Variants in NCALD observed in about 807,000 individuals in gnomAD.
The protein encoded by NCALD is neurocalcin-delta.
A neutral mutation model predicts 18.6 loss-of-function variants in NCALD; 10 were observed. The observed-to-expected ratio is 0.54, with a 90% CI of 0.33 to 0.91. The LOEUF is 0.91. NCALD is among the 40% of genes least tolerant of loss of function. The pLI is 0.03. For synonymous variants in NCALD, 88 were observed against 87.4 expected (o/e 1.01, Z -0.04); for missense variants, 184 against 247.6 (o/e 0.74, Z 1.72).
At chr8:101,728,786 C>G (rs1218839909) in intron 1 of NCALD, among the ~76,000 whole-genome samples, 4 of 152,196 alleles carry the variant, frequency 2.6e-5, no homozygotes, top group Non-Finnish European at 4.4e-5. Context: ...CACCACTGCA[C>G]TCCAGTCTGG....
intron 4 of NCALD, among the ~76,000 whole-genome samples, chr8:101,849,313 A>G (rs767458785): frequency 2.6e-5 from 4 of 152,194 alleles, no homozygotes; most frequent in Non-Finnish European, 5.9e-5. Flanking sequence ...ATGTTTAGCT[A>G]TGTAACAAAC....
At chr8:101,822,581 C>T (rs1813765652) in intron 4 of NCALD, among the ~76,000 whole-genome samples, 1 of 152,194 alleles carries the variant, frequency 6.6e-6, no homozygotes, top group Non-Finnish European at 1.5e-5. Context: ...CAGCTACGTA[C>T]CCAGTAGTGG....
At chr8:101,777,967 G>T (rs1355625227) in intron 1 of NCALD, among the ~76,000 whole-genome samples, 2 of 152,184 alleles carry the variant, frequency 1.3e-5, no homozygotes, top group African/African-American at 4.8e-5. Flanking sequence ...GAACCCTGAA[G>T]AATTCAGGTC....
intron 2 of NCALD, among the ~76,000 whole-genome samples, chr8:102,005,935 C>T (rs1434969046): frequency 1.3e-4 from 20 of 151,136 alleles, no homozygotes; most frequent in Admixed American, 9.9e-4. Context: ...ATGTAAATGA[C>T]GAGTTAATGG....
chr8:101,925,589 A>G (rs1818309342), intron 2 of NCALD, among the ~76,000 whole-genome samples: 2 of 152,186 alleles, frequency 1.3e-5, no homozygotes, highest in South Asian at 4.2e-4. Flanking sequence ...GCTGTCTCAC[A>G]GACACATTAT....
intron 2 of NCALD, among the ~76,000 whole-genome samples, chr8:101,994,584 C>T (rs1218050059): frequency 1.3e-5 from 2 of 152,356 alleles, no homozygotes; most frequent in African/African-American, 4.8e-5. Flanking sequence ...ACATGAAAGT[C>T]CAATGACAAG....
chr8:102,023,622 A>AT (rs1475539004), intron 1 of NCALD, among the ~76,000 whole-genome samples: 2 of 152,226 alleles, frequency 1.3e-5, no homozygotes, highest in African/African-American at 4.8e-5. Flanking sequence ...AGTGCCAGGG[A>AT]TTTGGATTAA....
intron 4 of NCALD, among the ~76,000 whole-genome samples, chr8:101,849,487 T>C (rs1007838578): frequency 2.6e-5 from 4 of 152,154 alleles, no homozygotes; most frequent in African/African-American, 7.2e-5. Flanking sequence ...GCTATGAATT[T>C]GTAAAGTGGT....
chr8:102,109,585 T>C (rs753468685), intron 1 of NCALD, among the ~76,000 whole-genome samples: 8 of 152,176 alleles, frequency 5.3e-5, no homozygotes, highest in Non-Finnish European at 1.0e-4. Context: ...CTATGTCAAA[T>C]GGGCAAGTGA....
At chr8:101,879,311 G>A (rs1214057714) in intron 4 of NCALD, among the ~76,000 whole-genome samples, 1 of 152,086 alleles carries the variant, frequency 6.6e-6, no homozygotes, top group Non-Finnish European at 1.5e-5. Flanking sequence ...TCAGAGTTTG[G>A]TCCTTCTGCT....
intron 2 of NCALD, among the ~76,000 whole-genome samples, chr8:101,954,822 C>T (rs573739867): frequency 4.6e-4 from 70 of 152,250 alleles, no homozygotes; most frequent in African/African-American, 1.7e-3. Flanking sequence ...ATCATAAATG[C>T]CATGCATGAT....
intron 1 of NCALD, among the ~76,000 whole-genome samples, chr8:102,054,717 G>A (rs200948635): frequency 2.0e-5 from 2 of 102,084 alleles, no homozygotes; most frequent in Admixed American, 2.2e-4. Flanking sequence ...TAGATAGATA[G>A]ATATCCTATA....
chr8:101,851,074 T>G (rs934414535), intron 4 of NCALD, among the ~76,000 whole-genome samples: 3 of 152,208 alleles, frequency 2.0e-5, no homozygotes, highest in African/African-American at 7.2e-5. Context: ...TTAGTAAATC[T>G]TAAAGAAGAG....
Position 101,738,799 on chromosome 8 carries a change from C to T in NCALD, c.-19-19151G>A, listed in dbSNP as rs190849703. Among the ~76,000 whole-genome samples, 23 of 152,136 alleles carry T rather than the reference C, an allele frequency of 1.5e-4. No homozygotes were observed. In the East Asian group the frequency reaches 2.3e-3, roughly 15 times the overall value. The stretch of plus-strand genomic sequence containing the variant: ...GCATCAGTTTCCTCAACTGATGCAT[C>T]GGGGTTTTTGTGTGGATCACGTGAG... On this transcript the variant is annotated intron_variant, in intron 1 of 3. Coordinates refer to ENST00000220931, the MANE Select transcript of NCALD (RefSeq NM_032041.3).
intron 4 of NCALD, among the ~76,000 whole-genome samples, chr8:101,834,213 C>T (rs534128919): frequency 8.5e-5 from 13 of 152,296 alleles, no homozygotes; most frequent in Non-Finnish European, 1.9e-4. Flanking sequence ...GTGCAAGGTA[C>T]ATCAGTCGAT....
chr8:102,057,512 G>A (rs1277178554), intron 1 of NCALD, among the ~76,000 whole-genome samples: 1 of 152,122 alleles, frequency 6.6e-6, no homozygotes, highest in Non-Finnish European at 1.5e-5. Flanking sequence ...TTTCCTGTTA[G>A]AAATATATAT....
chr8:101,936,945 C>T (rs890419870), intron 2 of NCALD, among the ~76,000 whole-genome samples: 2 of 152,156 alleles, frequency 1.3e-5, no homozygotes, highest in Admixed American at 6.5e-5. Flanking sequence ...ATTTTTTCCT[C>T]TTAATTCCTT....
intron 3 of NCALD, among the ~76,000 whole-genome samples, chr8:101,911,837 G>C (rs1817812694): frequency 6.6e-6 from 1 of 152,106 alleles, no homozygotes; most frequent in African/African-American, 2.4e-5. Context: ...AACCTCTGTG[G>C]ATATTCATAG....
intron 1 of NCALD, among the ~76,000 whole-genome samples, chr8:101,765,416 G>A (rs1420476828): frequency 6.6e-6 from 1 of 152,168 alleles, no homozygotes; most frequent in Non-Finnish European, 1.5e-5. Context: ...AACTACTGGG[G>A]TCTCCGGCTA....
Sources: allele counts gnomAD v4.1 joint callset (sites outside exome capture counted in the v4.1 genomes callset), GRCh38; gene constraint gnomAD v4.1.1; transcripts MANE v1.5; gene names NCBI Gene and HGNC (gene_info 2026-07-23, HGNC 2026-07-21).